COL6A6: variants seen among roughly 807,000 people sequenced by gnomAD.
COL6A6 encodes collagen alpha-6(VI) chain.
In COL6A6, 183 loss-of-function variants were observed where a neutral mutation model predicts 208.6. The ratio of observed to expected loss-of-function variants is 0.88; its 90% CI spans 0.78 to 0.99. The LOEUF (loss-of-function observed/expected upper bound fraction) is 0.99, where lower values mean the gene tolerates loss of function less well. COL6A6 is among the 50% of genes least tolerant of loss of function. The probability of loss-of-function intolerance (pLI) is 0.00; values close to 1 mark genes in which losing one functional copy is unlikely to be tolerated. For missense variants in COL6A6, 2,816 were observed against 2,815.2 expected (o/e 1.00, Z -0.01); for synonymous variants, 973 against 1,011.8 (o/e 0.96, Z 0.73).
At chr3:130,543,871 T>G (rs946378884) in intron 1 of COL6A6, among the ~76,000 whole-genome samples, 1 of 152,212 alleles carries the variant, frequency 6.6e-6, no homozygotes, top group Non-Finnish European at 1.5e-5. Context: ...GCAAAGAAGG[T>G]CTACAAGTTA....
chr3:130,570,606 G>A (rs745823177), intron 6 of COL6A6, among the ~76,000 whole-genome samples: 1 of 151,962 alleles, frequency 6.6e-6, no homozygotes, highest in Admixed American at 6.6e-5. Context: ...ACTGACTCCC[G>A]CCTTATCTTA....
rs557406619 is a variant in COL6A6, at chr3:130,568,000, T to C, written c.1844-47T>C. 1.7e-5 allele frequency: 26 copies of C among 1,490,312 alleles called. No individual in the cohort carries two copies. The Admixed American group carries it at 4.7e-4, about 27-fold the overall frequency. 92.3% of individuals were successfully genotyped at this position (1,490,312 alleles called of 1,614,324 possible). A position where few individuals can be genotyped will look rare whatever the true frequency, so the allele number is the denominator to read the frequency against. ...GGATTTTCCTGTTTACTCTGAACTTTTTACATGTAGCTGACTTGAATAAAC... is the reference window on the plus strand; with the variant it reads ...GGATTTTCCTGTTTACTCTGAACTTCTTACATGTAGCTGACTTGAATAAAC... On this transcript the variant is annotated intron_variant, in intron 5 of 36. Transcript: ENST00000358511.
rs367939742 is a variant in COL6A6, at chr3:130,530,558, GA to G, written c.-32+13165del. Among the ~76,000 whole-genome samples, 42 of 152,256 alleles carry G rather than the reference GA, an allele frequency of 2.8e-4. No homozygotes were observed. In the East Asian group the frequency reaches 6.0e-3, roughly 22 times the overall value. On this transcript the variant is annotated intron_variant, in intron 1 of 36. Coordinates refer to ENST00000358511, the MANE Select transcript of COL6A6 (RefSeq NM_001102608.3). ...AGTATTATTAACTGTGCAACTCTGG[GA>G]AAATTTATTCTCTGAGTTTTATTTC...
At chr3:130,642,472 T>C (rs1342451458) in intron 29 of COL6A6, among the ~76,000 whole-genome samples, 8 of 152,176 alleles carry the variant, frequency 5.3e-5, no homozygotes, top group Middle Eastern at 3.2e-3. Context: ...CAACTGCACA[T>C]GTGTGGCTCA....
chr3:130,574,372 A>G lies in COL6A6; in HGVS notation c.3394A>G (p.Ile1132Val), dbSNP rs1157242180. Residue 1132 changes from isoleucine (I) to valine (V), a missense_variant, in exon 8 of 37, where the codon ATC becomes GTC. By Grantham distance (29) the Ile-to-Val change is conservative. Transcript: ENST00000358511. ...AGCCCTGAGACACAGAGGTATCGAC[A>G]TCTACTCCGTGGGCATTGGGGATGT... ...AEALRHRGIDIYSVGIGDVDD... is the reference protein window; with the variant it reads ...AEALRHRGIDVYSVGIGDVDD... 1.2e-6 allele frequency: 2 copies of G among 1,613,932 alleles called. No homozygotes were observed. The highest frequency in any genetic ancestry group is 8.5e-7 in the Non-Finnish European group (1 of 1,179,908).
intron 23 of COL6A6, among the ~76,000 whole-genome samples, chr3:130,615,655 T>C (rs2064494688): frequency 6.6e-6 from 1 of 152,232 alleles, no homozygotes; most frequent in African/African-American, 2.4e-5. Flanking sequence ...AATAACTATT[T>C]CGCATTCATA....
chr3:130,548,095 T>C (rs1389174342), intron 1 of COL6A6, among the ~76,000 whole-genome samples: 1 of 152,246 alleles, frequency 6.6e-6, no homozygotes, highest in Admixed American at 6.5e-5. Flanking sequence ...GCCCGGCCAA[T>C]CCTAGTTGTT....
At chr3:130,584,217 A>G (rs1009538598) in intron 10 of COL6A6, among the ~76,000 whole-genome samples, 9 of 152,182 alleles carry the variant, frequency 5.9e-5, no homozygotes, top group Non-Finnish European at 1.3e-4. Context: ...CCCAAGAAAA[A>G]CAGTTATAAA....
At chr3:130,537,088 G>A (rs1302799643) in intron 1 of COL6A6, among the ~76,000 whole-genome samples, 2 of 152,162 alleles carry the variant, frequency 1.3e-5, no homozygotes, top group Non-Finnish European at 2.9e-5. Flanking sequence ...TTACTGAGAT[G>A]GCAGTCATAT....
chr3:130,674,181 C>G (rs2066302886), intron 36 of COL6A6, among the ~76,000 whole-genome samples: 1 of 152,158 alleles, frequency 6.6e-6, no homozygotes, highest in Non-Finnish European at 1.5e-5. Context: ...TCTGAAATGG[C>G]TCCTTTTTTG....
intron 35 of COL6A6, among the ~76,000 whole-genome samples, chr3:130,664,649 A>G (rs549171083): frequency 4.6e-5 from 7 of 152,252 alleles, no homozygotes; most frequent in Non-Finnish European, 1.0e-4. Context: ...TTGCATTTTG[A>G]TATTTCAAAG....
intron 22 of COL6A6, 72 bp downstream of exon 22, chr3:130,609,036 A>G: frequency 9.1e-7 from 1 of 1,100,868 alleles, no homozygotes; most frequent in Non-Finnish European, 1.4e-6. Flanking sequence ...TGAGGACCTG[A>G]TAGAAACCTT....
intron 24 of COL6A6, 150 bp from the exon 25 acceptor site, chr3:130,626,335 C>G: frequency 3.1e-6 from 2 of 639,794 alleles, no homozygotes. Context: ...AGGACACCTC[C>G]CTGGCCAACA....
chr3:130,642,283 G>A (rs1226860274), intron 29 of COL6A6, among the ~76,000 whole-genome samples: 5 of 136,972 alleles, frequency 3.7e-5, no homozygotes, highest in African/African-American at 1.3e-4. Context: ...GTGTGTGTGT[G>A]TGTATTTTTT....
chr3:130,572,786 T>C (rs568558892), intron 7 of COL6A6, among the ~76,000 whole-genome samples: 10 of 152,246 alleles, frequency 6.6e-5, no homozygotes, highest in Non-Finnish European at 1.5e-4. Context: ...TATTTCTTCT[T>C]ATCACTTCCT....
At chr3:130,628,232 T>G (rs2064949085) in intron 26 of COL6A6, among the ~76,000 whole-genome samples, 1 of 152,210 alleles carries the variant, frequency 6.6e-6, no homozygotes, top group Non-Finnish European at 1.5e-5. Context: ...CAGAGAACAG[T>G]TAATATTCCA....
At chr3:130,540,352 C>G (rs2062333012) in intron 1 of COL6A6, among the ~76,000 whole-genome samples, 1 of 152,202 alleles carries the variant, frequency 6.6e-6, no homozygotes, top group Non-Finnish European at 1.5e-5. Context: ...CATCATCACC[C>G]AAAGTCCATA....
At chr3:130,565,831 C>G (rs1348499591) in intron 4 of COL6A6, among the ~76,000 whole-genome samples, 5 of 152,178 alleles carry the variant, frequency 3.3e-5, no homozygotes, top group African/African-American at 1.2e-4. Flanking sequence ...TTTAGTTCCT[C>G]TTTTGTGCAG....
chr3:130,597,999 C>G lies in COL6A6; in HGVS notation c.4534-366C>G, dbSNP rs543107186. On this transcript the variant is annotated intron_variant, in intron 18 of 36. Coordinates refer to ENST00000358511, the MANE Select transcript of COL6A6 (RefSeq NM_001102608.3). ...AACTCTCAAGTGTAACTTTGCCTAG[C>G]CTCCAAGAAAAAAGAGGAAAAGTTA... Among the ~76,000 whole-genome samples the G allele has an allele frequency of 3.3e-5, 5 of 152,172 alleles. No individual in the cohort carries two copies. The South Asian group carries it at 6.2e-4, about 19-fold the overall frequency.
Sources: allele counts gnomAD v4.1 joint callset (sites outside exome capture counted in the v4.1 genomes callset), GRCh38; gene constraint gnomAD v4.1.1; transcripts MANE v1.5; gene names NCBI Gene and HGNC (gene_info 2026-07-23, HGNC 2026-07-21).